The following PTBP3 variants were observed in gnomAD, a reference collection of about 807,000 sequenced individuals.
PTBP3 encodes the protein polypyrimidine tract binding protein 3.
PTBP3 carries 20 observed loss-of-function variants against 58.7 expected under a neutral mutation model. That is an observed-to-expected ratio of 0.34 (90% confidence interval 0.24 to 0.50). PTBP3 has a LOEUF of 0.50. Among genes scored for constraint, PTBP3 ranks in the 20% least tolerant of loss-of-function variants. The pLI, the probability that PTBP3 is intolerant of heterozygous loss-of-function variation, is 0.98. For synonymous variants in PTBP3, 185 were observed against 219.8 expected, an observed-to-expected ratio of 0.84 and a Z score of 1.40; for missense variants, 509 against 637.2, an observed-to-expected ratio of 0.80 and a Z score of 2.17.
chr9:112,363,250 T>G, the PTBP3 span: 3 of 152,666 alleles, frequency 2.0e-5, no homozygotes, highest in Non-Finnish European at 4.4e-5. Flanking sequence ...ATCTAGTTAA[T>G]ACGAATATCT....
chr9:112,342,476 G>A, the PTBP3 span, among the ~76,000 whole-genome samples: 3 of 152,192 alleles, frequency 2.0e-5, no homozygotes, highest in Non-Finnish European at 4.4e-5. Context: ...CAACACTTTG[G>A]GAGGCCGAAG....
chr9:112,235,660 C>T (rs1480104072), intron 7 of PTBP3, among the ~76,000 whole-genome samples: 1 of 152,098 alleles, frequency 6.6e-6, no homozygotes, highest in African/African-American at 2.4e-5. Flanking sequence ...AATAAGGGCA[C>T]AAACTCAGAT....
At chr9:112,297,999 ATAT>A (rs2132315338) in intron 1 of PTBP3, 83 bp from the exon 2 acceptor site, 2 of 1,102,896 alleles carry the variant, frequency 1.8e-6, no homozygotes, top group South Asian at 2.8e-5. Context: ...AAAGCTAATA[ATAT>A]TACTTCATCT....
At chr9:112,308,657 G>A (rs911870252) in intron 1 of PTBP3, among the ~76,000 whole-genome samples, 1 of 152,100 alleles carries the variant, frequency 6.6e-6, no homozygotes, top group African/African-American at 2.4e-5. Context: ...ATAAAAGACT[G>A]TACCACGGGT....
At position 112,232,158 on chromosome 9, in the gene PTBP3, G is replaced by A; in HGVS notation, c.961C>T (p.Pro321Ser). 2 of 1,613,554 alleles carry A rather than the reference G, an allele frequency of 1.2e-6. No individual in the cohort carries two copies. Among genetic ancestry groups the A allele is most frequent in the Middle Eastern group, 1.6e-4 (1 of 6,062 alleles). Residue 321 changes from proline (P) to serine (S), a missense_variant, in exon 9 of 14, where the codon CCT becomes TCT. By Grantham distance (74) the Pro-to-Ser change is moderately conservative. Around this residue, in one of 4 missense-constraint regions of PTBP3, gnomAD observed 121 missense variants for 114.8 expected, o/e 1.05. Transcript: ENST00000374257. The stretch of plus-strand genomic sequence containing the variant: ...TTTCCTGGTATACCACTAGCCCCAG[G>A]AATGGCCATCCTTCCAGTGACAGCA... ...SSAVTGRMAI[P>S]GASGIPGNSV...
At chr9:112,376,176 TA>T in the PTBP3 span, among the ~76,000 whole-genome samples, 1 of 146,658 alleles carries the variant, frequency 6.8e-6, no homozygotes, top group Non-Finnish European at 1.5e-5. Context: ...TATATATATA[TA>T]TCCTATTACT....
upstream of PTBP3, among the ~76,000 whole-genome samples, chr9:112,336,637 A>G (rs1830579915): frequency 6.6e-6 from 1 of 152,006 alleles, no homozygotes; most frequent in Non-Finnish European, 1.5e-5. Context: ...AAAAATAAAA[A>G]TAAATTATTA....
chr9:112,282,994 T>C lies in PTBP3; in HGVS notation c.35-6981A>G, dbSNP rs148752339. Among the ~76,000 whole-genome samples, 1,314 of 152,314 alleles carry C rather than the reference T, an allele frequency of 8.6e-3. 23 individuals carry two copies. The highest frequency in any genetic ancestry group is 0.03 in the African/African-American group (1,253 of 41,572). ...TGTATAAGTGTTTGAGAGTTTCTCA[T>C]TCACACTCACTCTAACCTGCCACCA... On this transcript the variant is annotated intron_variant, in intron 2 of 13. Transcript: ENST00000374257.
In PTBP3 at chr9:112,221,121, T is replaced by G. The variant is rs1182321693; in HGVS notation, c.*2730A>C. On this transcript the variant is annotated 3_prime_UTR_variant, in exon 14 of 14. Coordinates refer to ENST00000374257, the MANE Select transcript of PTBP3 (RefSeq NM_001163788.4). Reference sequence around the variant, plus strand: ...ACAGCTAATTTTAGACACAAACTGATGGTTTCAAACATGCTATTTTAAAAC... The same window carrying G: ...ACAGCTAATTTTAGACACAAACTGAGGGTTTCAAACATGCTATTTTAAAAC... 2.0e-6 allele frequency: 2 copies of G among 985,580 alleles called. No homozygotes were observed. Among genetic ancestry groups the G allele is most frequent in the East Asian group, 2.3e-4 (2 of 8,832 alleles). 61.1% of individuals were successfully genotyped at this position (985,580 alleles called of 1,614,324 possible).
chr9:112,359,083 T>C, the PTBP3 span, among the ~76,000 whole-genome samples: 1 of 152,092 alleles, frequency 6.6e-6, no homozygotes, highest in African/African-American at 2.4e-5. Context: ...GAATCTCCCA[T>C]CTTAGCCTCT....
At chr9:112,285,834 A>T (rs1427047049) in intron 2 of PTBP3, among the ~76,000 whole-genome samples, 1 of 152,216 alleles carries the variant, frequency 6.6e-6, no homozygotes, top group Non-Finnish European at 1.5e-5. Context: ...CACAGGTAAG[A>T]ACTTGCCAAC....
At chr9:112,365,196 C>G in the PTBP3 span, among the ~76,000 whole-genome samples, 5 of 152,090 alleles carry the variant, frequency 3.3e-5, no homozygotes, top group Non-Finnish European at 5.9e-5. Flanking sequence ...ATGTATCTAT[C>G]TATACATATG....
At chr9:112,241,524 T>A (rs180763162) in intron 7 of PTBP3, among the ~76,000 whole-genome samples, 204 of 152,326 alleles carry the variant, frequency 1.3e-3, no homozygotes, top group African/African-American at 4.6e-3. Context: ...ATTTTTACTG[T>A]ACCCTTTCTA....
intron 10 of PTBP3, among the ~76,000 whole-genome samples, chr9:112,230,739 G>A (rs1334282725): frequency 1.3e-5 from 2 of 152,044 alleles, no homozygotes; most frequent in African/African-American, 4.8e-5. Context: ...CATGTTTTAT[G>A]GAAAAATAAA....
At chr9:112,301,353 T>C (rs531150881) in intron 1 of PTBP3, among the ~76,000 whole-genome samples, 1 of 151,790 alleles carries the variant, frequency 6.6e-6, no homozygotes, top group East Asian at 1.9e-4. Context: ...CAATATCAAA[T>C]GCAGACCAGG....
chr9:112,220,818 T>C lies in PTBP3; in HGVS notation c.*3033A>G, dbSNP rs373234955. On this transcript the variant is annotated 3_prime_UTR_variant, in exon 14 of 14. Transcript: ENST00000374257. ...TATTTTTTAAAGTCCTGAATATATA[T>C]ACTTTGTGTAGAAGTCAAGACACCT... 345 of 974,276 alleles carry C rather than the reference T, an allele frequency of 3.5e-4. No homozygotes were observed. Among genetic ancestry groups the C allele is most frequent in the Middle Eastern group, 1.1e-3 (2 of 1,884 alleles). The allele number at this position is 974,276 out of a possible 1,614,324, so 60.4% of individuals were successfully genotyped here. A position where few individuals can be genotyped will look rare whatever the true frequency, so the allele number is the denominator to read the frequency against.
At chr9:112,353,434 C>T in the PTBP3 span, among the ~76,000 whole-genome samples, 2 of 150,388 alleles carry the variant, frequency 1.3e-5, no homozygotes, top group South Asian at 2.1e-4. Flanking sequence ...TTTGTAGAGG[C>T]GGGGTTTCAC....
At chr9:112,247,841 A>G (rs1263028814) in intron 7 of PTBP3, among the ~76,000 whole-genome samples, 1 of 152,210 alleles carries the variant, frequency 6.6e-6, no homozygotes, top group Non-Finnish European at 1.5e-5. Flanking sequence ...ACATAAAGGG[A>G]CATCATATCT....
Position 112,220,911 on chromosome 9 carries a change from C to G in PTBP3, c.*2940G>C. On this transcript the variant is annotated 3_prime_UTR_variant, in exon 14 of 14. Transcript: ENST00000374257. Reference sequence around the variant, plus strand: ...AAAATAGGATACTACGGTAGATCAACAGAGAAAAACCATTGCTAGAAGATA... The same window carrying G: ...AAAATAGGATACTACGGTAGATCAAGAGAGAAAAACCATTGCTAGAAGATA... The G allele has an allele frequency of 1.0e-6, 1 of 967,496 alleles. No individual in the cohort carries two copies. Among genetic ancestry groups the G allele is most frequent in the Non-Finnish European group, 1.2e-6 (1 of 813,688 alleles). 59.9% of individuals were successfully genotyped at this position (967,496 alleles called of 1,614,324 possible).
Sources: gnomAD v4.1 joint callset for allele counts (sites outside exome capture counted in the v4.1 genomes callset) on GRCh38, gnomAD v4.1.1 for gene constraint, gnomAD v4.1.1 regional missense constraint, MANE v1.5 for transcripts, NCBI Gene and HGNC (gene_info 2026-07-23, HGNC 2026-07-21) for gene names.